The following CYP3A4 variants were observed in gnomAD, a reference collection of about 807,000 sequenced individuals.
CYP3A4 encodes cytochrome P450 family 3 subfamily A member 4.
In CYP3A4, 41 loss-of-function variants were observed where a neutral mutation model predicts 54.9. The ratio of observed to expected loss-of-function variants is 0.75; its 90% CI spans 0.58 to 0.97. The LOEUF is 0.97. Ranked by LOEUF, CYP3A4 falls within the 50% of genes least tolerant of loss-of-function variation. CYP3A4 has a pLI of 0.00. For missense variants in CYP3A4, 510 were observed against 597.3 expected (o/e 0.85, Z 1.52); for synonymous variants, 179 against 205.2 (o/e 0.87, Z 1.09).
At chr7:99,776,978 T>G (rs1341733465) in intron 3 of CYP3A4, among the ~76,000 whole-genome samples, 1 of 152,190 alleles carries the variant, frequency 6.6e-6, no homozygotes, top group African/African-American at 2.4e-5. Flanking sequence ...TATTAAAAAG[T>G]CTTGGCTTAA....
intron 3 of CYP3A4, among the ~76,000 whole-genome samples, chr7:99,776,240 TTGG>T (rs1284704175): frequency 1.3e-5 from 2 of 152,218 alleles, no homozygotes; most frequent in African/African-American, 4.8e-5. Flanking sequence ...TTTTACACTG[TTGG>T]TGGGAGTGTA....
At chr7:99,776,831 T>TA (rs1815783665) in intron 3 of CYP3A4, among the ~76,000 whole-genome samples, 1 of 152,176 alleles carries the variant, frequency 6.6e-6, no homozygotes, top group African/African-American at 2.4e-5. Context: ...ACCCAGAACT[T>TA]AAAGTATAAT....
At chr7:99,762,590 A>G (rs1815368877) in intron 10 of CYP3A4, among the ~76,000 whole-genome samples, 4 of 152,124 alleles carry the variant, frequency 2.6e-5, no homozygotes, top group Admixed American at 2.6e-4. Flanking sequence ...GTGTATATAT[A>G]TGTGTATACA....
At chr7:99,776,685 C>T (rs1815779731) in intron 3 of CYP3A4, among the ~76,000 whole-genome samples, 1 of 151,890 alleles carries the variant, frequency 6.6e-6, no homozygotes, top group Admixed American at 6.6e-5. Context: ...CACACTGGGG[C>T]CTGTTGTTGG....
chr7:99,761,442 A>G (rs1815326745), intron 11 of CYP3A4, among the ~76,000 whole-genome samples: 1 of 151,484 alleles, frequency 6.6e-6, no homozygotes. Flanking sequence ...TGTTTTTCTA[A>G]TTCTCCTCCT....
At chr7:99,766,798 T>C (rs1418988841) in intron 8 of CYP3A4, 10 of 365,152 alleles carry the variant, frequency 2.7e-5, no homozygotes, top group Non-Finnish European at 3.9e-5. Flanking sequence ...ATCAGTAAAA[T>C]ATATTTCCAA....
In CYP3A4 at chr7:99,757,007, G is replaced by A. The variant is rs367576049; in HGVS notation, c.*1126C>T. 2.0e-5 allele frequency: 3 copies of A among 152,284 alleles called. No individual in the cohort carries two copies. In the East Asian group the frequency reaches 5.8e-4, roughly 29 times the overall value. 9.4% of individuals were successfully genotyped at this position (152,284 alleles called of 1,614,324 possible). ...ACCAATCGACTGTTTTTTATTAAGT[G>A]TTCATTGCATCGAGACAGTTGGGTG... On this transcript the variant is annotated 3_prime_UTR_variant, in exon 13 of 13. Transcript: ENST00000651514.
intron 10 of CYP3A4, 142 bp downstream of exon 10, chr7:99,763,709 CTTTT>C: frequency 2.5e-6 from 3 of 1,204,922 alleles, no homozygotes; most frequent in Non-Finnish European, 3.4e-6. Flanking sequence ...ATGTTTCTTT[CTTTT>C]TCTTTTCAGA....
At chr7:99,777,402 C>G (rs1050175752) in intron 3 of CYP3A4, among the ~76,000 whole-genome samples, 3 of 151,798 alleles carry the variant, frequency 2.0e-5, no homozygotes, top group African/African-American at 7.3e-5. Context: ...ACATGGGATC[C>G]TTGGTAGGAC....
At chr7:99,783,846 C>A (rs1815990052) in intron 1 of CYP3A4, among the ~76,000 whole-genome samples, 165 bp downstream of exon 1, 1 of 152,112 alleles carries the variant, frequency 6.6e-6, no homozygotes. Flanking sequence ...TGACCTCAGG[C>A]AGTCCACTTG....
chr7:99,766,008 A>T (rs1320660356), intron 9 of CYP3A4, among the ~76,000 whole-genome samples: 1 of 152,094 alleles, frequency 6.6e-6, no homozygotes, highest in Non-Finnish European at 1.5e-5. Context: ...TTTTGCAATT[A>T]AAAGTAATGG....
intron 6 of CYP3A4, among the ~76,000 whole-genome samples, chr7:99,768,886 A>G (rs945976062): frequency 1.3e-5 from 2 of 152,186 alleles, no homozygotes; most frequent in Non-Finnish European, 2.9e-5. Context: ...GGCTCAAGAC[A>G]GGTGATATTG....
intron 4 of CYP3A4, 42 bp downstream of exon 4, chr7:99,772,548 T>C (rs370486634): frequency 1.9e-6 from 3 of 1,608,814 alleles, no homozygotes; most frequent in Admixed American, 1.7e-5. Flanking sequence ...AAAATATAAA[T>C]TTAATCAATC....
At chr7:99,768,243 A>G (rs538643046) in intron 7 of CYP3A4, 111 bp downstream of exon 7, 9 of 1,227,374 alleles carry the variant, frequency 7.3e-6, no homozygotes, top group East Asian at 2.5e-5. Flanking sequence ...TGTACTACAA[A>G]TCACTGAACT....
chr7:99,767,085 A>C lies in CYP3A4; in HGVS notation c.798+46T>G, dbSNP rs749810355. ...TGATCATATGTATATTATCTAAAAAATTATGAAAAACTAAACATCCTCCTA... is the reference window on the plus strand; with the variant it reads ...TGATCATATGTATATTATCTAAAAACTTATGAAAAACTAAACATCCTCCTA... On this transcript the variant is annotated intron_variant, in intron 8 of 12. Coordinates refer to ENST00000651514, the MANE Select transcript of CYP3A4 (RefSeq NM_017460.6). 8.2e-6 allele frequency: 13 copies of C among 1,581,388 alleles called. No individual in the cohort carries two copies. The African/African-American group carries it at 9.5e-5, about 12-fold the overall frequency.
chr7:99,758,869 T>C (rs1358442467), intron 12 of CYP3A4, among the ~76,000 whole-genome samples: 1 of 152,172 alleles, frequency 6.6e-6, no homozygotes, highest in Non-Finnish European at 1.5e-5. Context: ...GTAGTGCAAG[T>C]GGGGAACCTC....
chr7:99,762,397 T>C, intron 10 of CYP3A4, 130 bp from the exon 11 acceptor site: 1 of 1,259,748 alleles, frequency 7.9e-7, no homozygotes, highest in Non-Finnish European at 1.1e-6. Flanking sequence ...GAAGCATTTA[T>C]AAAGTGTTTT....
At chr7:99,778,536 G>A (rs1815831774) in intron 2 of CYP3A4, among the ~76,000 whole-genome samples, 1 of 152,192 alleles carries the variant, frequency 6.6e-6, no homozygotes, top group African/African-American at 2.4e-5. Flanking sequence ...AGTTCTAGCA[G>A]AATTGGAAAG....
chr7:99,772,118 A>T (rs1293380684), intron 4 of CYP3A4, among the ~76,000 whole-genome samples: 2 of 152,208 alleles, frequency 1.3e-5, no homozygotes, highest in African/African-American at 4.8e-5. Flanking sequence ...TTGCTCTGAT[A>T]TGGACCCTGT....
Sources: allele counts gnomAD v4.1 joint callset (sites outside exome capture counted in the v4.1 genomes callset), GRCh38; gene constraint gnomAD v4.1.1; transcripts MANE v1.5; gene names NCBI Gene and HGNC (gene_info 2026-07-23, HGNC 2026-07-21).